TAFA5: variants seen among roughly 807,000 people sequenced by gnomAD.
TAFA5 encodes chemokine-like protein TAFA-5.
Under a neutral mutation model 15.3 loss-of-function variants are expected in TAFA5, and 6 were observed. The ratio of observed to expected loss-of-function variants is 0.39; its 90% CI spans 0.21 to 0.77. The LOEUF (loss-of-function observed/expected upper bound fraction) is 0.77, where lower values mean the gene tolerates loss of function less well. Among genes scored for constraint, TAFA5 ranks in the 30% least tolerant of loss-of-function variants. TAFA5 has a pLI of 0.41. For synonymous variants in TAFA5, 103 were observed against 80.7 expected (o/e 1.28, Z -1.48); for missense variants, 161 against 193.1 (o/e 0.83, Z 0.98).
chr22:48,608,414 C>T (rs79655698), intron 1 of TAFA5, among the ~76,000 whole-genome samples: 1 of 152,238 alleles, frequency 6.6e-6, no homozygotes, highest in African/African-American at 2.4e-5. Context: ...CACTCATGAA[C>T]ACGTGATACT....
chr22:48,713,193 A>G (rs1929305399), intron 3 of TAFA5, among the ~76,000 whole-genome samples: 1 of 152,196 alleles, frequency 6.6e-6, no homozygotes, highest in Non-Finnish European at 1.5e-5. Context: ...GGGTTTCTGT[A>G]TGGTTCTATT....
chr22:48,511,867 G>A (rs754246000), intron 1 of TAFA5, among the ~76,000 whole-genome samples: 6 of 152,244 alleles, frequency 3.9e-5, no homozygotes, highest in Non-Finnish European at 5.9e-5. Context: ...CTGATGTCTG[G>A]TCTTGAGCAG....
chr22:48,540,155 C>T (rs1922313385), intron 1 of TAFA5, among the ~76,000 whole-genome samples: 1 of 152,198 alleles, frequency 6.6e-6, no homozygotes, highest in South Asian at 2.1e-4. Context: ...TGGGTCTAGC[C>T]TTGTGTACGG....
chr22:48,748,069 T>G (rs1411079337), intron 3 of TAFA5, among the ~76,000 whole-genome samples: 1 of 152,214 alleles, frequency 6.6e-6, no homozygotes, highest in African/African-American at 2.4e-5. Context: ...AAACCTCTTA[T>G]GTAAGCTGAA....
intron 2 of TAFA5, among the ~76,000 whole-genome samples, chr22:48,672,127 C>G (rs1022634): frequency 1.3e-5 from 2 of 152,026 alleles, no homozygotes; most frequent in African/African-American, 2.4e-5. Flanking sequence ...ATTTTCATCT[C>G]GAAGTTTCCT....
intron 1 of TAFA5, among the ~76,000 whole-genome samples, chr22:48,607,823 C>G (rs977518902): frequency 6.6e-6 from 1 of 152,136 alleles, no homozygotes; most frequent in Non-Finnish European, 1.5e-5. Context: ...ACAAAAAACT[C>G]AAAACTAAAA....
chr22:48,575,918 G>C (rs1241610660), intron 1 of TAFA5, among the ~76,000 whole-genome samples: 3 of 143,204 alleles, frequency 2.1e-5, no homozygotes, highest in Admixed American at 6.9e-5. Flanking sequence ...GCCCCGGGCC[G>C]GAGCGAGCGC....
At chr22:48,618,529 C>A (rs1252922380) in intron 1 of TAFA5, among the ~76,000 whole-genome samples, 1 of 152,224 alleles carries the variant, frequency 6.6e-6, no homozygotes, top group African/African-American at 2.4e-5. Flanking sequence ...TATTCATCAT[C>A]TGTAATCAGG....
chr22:48,698,770 A>G (rs1449105257), intron 2 of TAFA5, among the ~76,000 whole-genome samples: 1 of 50,728 alleles, frequency 2.0e-5, no homozygotes, highest in African/African-American at 1.2e-4. Context: ...CTCGGGGTGC[A>G]GCCCGTCTGG....
chr22:48,665,482 T>C (rs1202187134), intron 2 of TAFA5, among the ~76,000 whole-genome samples: 1 of 152,198 alleles, frequency 6.6e-6, no homozygotes, highest in African/African-American at 2.4e-5. Flanking sequence ...TGAGACGTTC[T>C]CTCGCGTTCT....
chr22:48,636,133 G>A (rs1926436396), intron 1 of TAFA5, among the ~76,000 whole-genome samples: 1 of 152,242 alleles, frequency 6.6e-6, no homozygotes, highest in African/African-American at 2.4e-5. Flanking sequence ...GGAGGGGCTG[G>A]CCAGTGGGGA....
intron 1 of TAFA5, among the ~76,000 whole-genome samples, chr22:48,493,474 A>G (rs1928224410): frequency 1.3e-5 from 2 of 152,214 alleles, no homozygotes; most frequent in Non-Finnish European, 2.9e-5. Context: ...AATTTATTGC[A>G]TATTTAGGAG....
In TAFA5 at chr22:48,632,856, G is replaced by A. The variant is rs1157768327; in HGVS notation, c.113-13741G>A. Among the ~76,000 whole-genome samples, 3 of 152,312 alleles carry A rather than the reference G, an allele frequency of 2.0e-5. No homozygotes were observed. In the South Asian group the frequency reaches 6.2e-4, roughly 32 times the overall value. On this transcript the variant is annotated intron_variant, in intron 1 of 3. Coordinates refer to ENST00000402357, the MANE Select transcript of TAFA5 (RefSeq NM_001082967.3). ...CCAGGCGGAGGCTGGGCTGGAGTGA[G>A]GTCACTGCTTGGCCTGCAGAGTTGG...
At chr22:48,518,508 A>T (rs1337587126) in intron 1 of TAFA5, among the ~76,000 whole-genome samples, 2 of 152,184 alleles carry the variant, frequency 1.3e-5, no homozygotes, top group East Asian at 3.9e-4. Context: ...CAGGAAAACG[A>T]GGGCTCTTGT....
intron 2 of TAFA5, among the ~76,000 whole-genome samples, chr22:48,659,433 T>C (rs1359234608): frequency 6.6e-6 from 1 of 152,062 alleles, no homozygotes; most frequent in Non-Finnish European, 1.5e-5. Flanking sequence ...CCTCAGGGGG[T>C]CCAGATTCTG....
chr22:48,528,004 C>T (rs965057178), intron 1 of TAFA5, among the ~76,000 whole-genome samples: 14 of 152,232 alleles, frequency 9.2e-5, no homozygotes, highest in African/African-American at 3.4e-4. Flanking sequence ...GTCATGTGAC[C>T]CTTGGTGCAG....
chr22:48,650,207 G>T (rs548850270), intron 2 of TAFA5, among the ~76,000 whole-genome samples: 2 of 152,312 alleles, frequency 1.3e-5, no homozygotes, highest in South Asian at 4.1e-4. Context: ...GGTTGAAATC[G>T]GGGAGGCACT....
intron 1 of TAFA5, among the ~76,000 whole-genome samples, chr22:48,601,675 T>C (rs981747667): frequency 3.3e-5 from 5 of 152,154 alleles, no homozygotes; most frequent in Admixed American, 6.5e-5. Context: ...ATTTAAAAGG[T>C]GCAAAGCAGC....
At chr22:48,669,129 C>T (rs1044431153) in intron 2 of TAFA5, among the ~76,000 whole-genome samples, 6 of 152,214 alleles carry the variant, frequency 3.9e-5, no homozygotes, top group Admixed American at 1.3e-4. Flanking sequence ...AGGAAGCCCC[C>T]GCCAGACACC....
Sources: allele counts gnomAD v4.1 joint callset (sites outside exome capture counted in the v4.1 genomes callset), GRCh38; gene constraint gnomAD v4.1.1; transcripts MANE v1.5; gene names NCBI Gene and HGNC (gene_info 2026-07-23, HGNC 2026-07-21).